The following IL5RA variants were observed in gnomAD, a reference collection of about 807,000 sequenced individuals.
IL5RA encodes interleukin 5 receptor subunit alpha, also known as interleukin-5 receptor subunit alpha.
IL5RA carries 49 observed loss-of-function variants against 50.0 expected under a neutral mutation model. The observed-to-expected ratio is 0.98, with a 90% CI of 0.78 to 1.24. The LOEUF is 1.24. IL5RA is among the 50% of genes most tolerant of loss of function. IL5RA has a pLI of 0.00. For synonymous variants in IL5RA, 202 were observed against 174.0 expected (o/e 1.16, Z -1.26); for missense variants, 600 against 500.4 (o/e 1.20, Z -1.90).
chr3:3,071,727 C>G (rs1186643595), intron 11 of IL5RA, among the ~76,000 whole-genome samples: 1 of 152,004 alleles, frequency 6.6e-6, no homozygotes, highest in Non-Finnish European at 1.5e-5. Flanking sequence ...GTATCTGAGG[C>G]TACAGGTGTG....
At chr3:3,101,558 G>T in intron 5 of IL5RA, 134 bp downstream of exon 5, 3 of 764,754 alleles carry the variant, frequency 3.9e-6, no homozygotes, top group Non-Finnish European at 6.2e-6. Context: ...TGGTTAGGAT[G>T]TTGTTGATAT....
At chr3:3,080,377 C>T (rs1440141228) in intron 9 of IL5RA, among the ~76,000 whole-genome samples, 1 of 152,198 alleles carries the variant, frequency 6.6e-6, no homozygotes, top group Non-Finnish European at 1.5e-5. Context: ...CCAGTCCGTG[C>T]TCTTAGCCTT....
In IL5RA at chr3:3,104,011, C is replaced by T. The variant is rs531041664; in HGVS notation, c.82+892G>A. On this transcript the variant is annotated intron_variant, in intron 3 of 11. Transcript: ENST00000446632. ...CATTGTCCATTACGGTAGCCACTGG[C>T]AACTTGTGGCTATTGAAATTTTATT... Among the ~76,000 whole-genome samples, 11 of 152,264 alleles carry T rather than the reference C, an allele frequency of 7.2e-5. No individual in the cohort carries two copies. In the South Asian group the frequency reaches 2.1e-3, roughly 29 times the overall value.
Position 3,110,166 on chromosome 3 carries a change from T to C in IL5RA, c.-367A>G, listed in dbSNP as rs1043890387. 1 of 152,240 alleles carries C rather than the reference T, an allele frequency of 6.6e-6. No individual in the cohort carries two copies. Among genetic ancestry groups the C allele is most frequent in the African/African-American group, 2.4e-5 (1 of 41,468 alleles). The allele number at this position is 152,240 out of a possible 1,614,324, so 9.4% of individuals were successfully genotyped here. On this transcript the variant is annotated 5_prime_UTR_variant, in exon 1 of 12. Transcript: ENST00000446632. Reference sequence around the variant, plus strand: ...TTGTACAGAGCAACTGTGCAGGAGCTGAACTGGAACTCCCAACAACCAAAC... The same window carrying C: ...TTGTACAGAGCAACTGTGCAGGAGCCGAACTGGAACTCCCAACAACCAAAC...
At chr3:3,077,398 C>G (rs1044700584) in intron 9 of IL5RA, among the ~76,000 whole-genome samples, 3 of 152,284 alleles carry the variant, frequency 2.0e-5, no homozygotes, top group Admixed American at 2.0e-4. Context: ...GTGTGCTGCA[C>G]CCATTAACTC....
At chr3:3,098,337 C>T in intron 5 of IL5RA, 47 bp from the exon 6 acceptor site, 1 of 1,536,074 alleles carries the variant, frequency 6.5e-7, no homozygotes, top group Non-Finnish European at 9.0e-7. Context: ...ATGGCAAACT[C>T]TGAATTTCAT....
At position 3,092,320 on chromosome 3, in the gene IL5RA, C is replaced by T. The variant is rs1181321792; in HGVS notation, c.898G>A (p.Asp300Asn). 3 of 1,613,760 alleles carry T rather than the reference C, an allele frequency of 1.9e-6. No individual in the cohort carries two copies. The highest frequency in any genetic ancestry group is 2.7e-5 in the African/African-American group (2 of 74,922). Residue 300 changes from aspartate (D) to asparagine (N), a missense_variant, in exon 9 of 12, where the codon GAT (aspartate) becomes AAT (asparagine). Asp to Asn is a conservative substitution (Grantham distance 23, BLOSUM62 1). Coordinates refer to ENST00000446632, the MANE Select transcript of IL5RA (RefSeq NM_175726.4). This position sits in a 1 kb window ranked among gnomAD's most constrained non-coding sequence, Gnocchi z 4.2. Reference protein sequence around the residue: ...MTNAFISIIDDLSKYDVQVRA... With the variant: ...MTNAFISIIDNLSKYDVQVRA... ...ACTTGAACATCGTACTTAGAAAGAT[C>T]ATCAATTATTGAGATGAATGCATTG...
At chr3:3,091,543 C>G (rs546420920) in intron 9 of IL5RA, among the ~76,000 whole-genome samples, 1 of 152,206 alleles carries the variant, frequency 6.6e-6, no homozygotes, top group African/African-American at 2.4e-5. Flanking sequence ...ACCAGCCTGA[C>G]CAACGTGGTG....
rs550844525 is a variant in IL5RA at position 3,068,505 on chromosome 3, A to T, written c.*1720T>A. ...GAGGAGGATGGCTTGAGCCCAGGAC[A>T]GGGAGGTTGTAGTGAGCTAAGATCA... On this transcript the variant is annotated 3_prime_UTR_variant, in exon 12 of 12. Transcript: ENST00000446632. 6.8e-6 allele frequency: 1 copy of T among 147,258 alleles called. No homozygotes were observed. The highest frequency in any genetic ancestry group is 2.1e-4 in the East Asian group (1 of 4,822). The allele number at this position is 147,258 out of a possible 1,614,324, so 9.1% of individuals were successfully genotyped here. A position where few individuals can be genotyped will look rare whatever the true frequency, so the allele number is the denominator to read the frequency against.
chr3:3,082,965 G>C (rs1368284815), intron 9 of IL5RA, among the ~76,000 whole-genome samples: 1 of 152,212 alleles, frequency 6.6e-6, no homozygotes. Context: ...TTAGTAAATT[G>C]ATGGGATGCT....
chr3:3,075,661 T>A (rs1331441042), intron 10 of IL5RA, among the ~76,000 whole-genome samples: 1 of 151,530 alleles, frequency 6.6e-6, no homozygotes, highest in Non-Finnish European at 1.5e-5. Flanking sequence ...AGTGCAATGG[T>A]ACGATCTTGG....
chr3:3,073,286 A>T (rs1306515366), intron 11 of IL5RA, among the ~76,000 whole-genome samples: 1 of 152,202 alleles, frequency 6.6e-6, no homozygotes, highest in African/African-American at 2.4e-5. Context: ...CAGGTGGTTC[A>T]TCCAATCATG....
At chr3:3,096,457 C>G (rs892748805) in intron 7 of IL5RA, among the ~76,000 whole-genome samples, 1 of 152,058 alleles carries the variant, frequency 6.6e-6, no homozygotes, top group Admixed American at 6.6e-5. Context: ...TTAGATCTCA[C>G]AATTAATAGG....
At chr3:3,077,835 G>A (rs1023564327) in intron 9 of IL5RA, among the ~76,000 whole-genome samples, 2 of 152,152 alleles carry the variant, frequency 1.3e-5, no homozygotes, top group Admixed American at 6.5e-5. Flanking sequence ...GTTTAAAGAG[G>A]TTATGTGCTT....
In IL5RA at chr3:3,094,411, G is replaced by C. The variant is rs140074696; in HGVS notation, c.855+888C>G. ...TTTTGCTTAGCATAATGTCCTCAAG[G>C]CTCCTCCATGTGGTAGCATGTGTCA... On this transcript the variant is annotated intron_variant, in intron 8 of 11. Coordinates refer to ENST00000446632, the MANE Select transcript of IL5RA (RefSeq NM_175726.4). Among the ~76,000 whole-genome samples the C allele has an allele frequency of 4.6e-5, 7 of 152,220 alleles. No individual in the cohort carries two copies. In the East Asian group the frequency reaches 5.8e-4, roughly 13 times the overall value.
intron 11 of IL5RA, among the ~76,000 whole-genome samples, chr3:3,072,555 T>A (rs1302376168): frequency 6.6e-6 from 1 of 152,194 alleles, no homozygotes; most frequent in Non-Finnish European, 1.5e-5. Flanking sequence ...TGGGGCTCTG[T>A]AGGGAAATTA....
chr3:3,107,891 A>C (rs1704003751), intron 2 of IL5RA, among the ~76,000 whole-genome samples: 1 of 152,200 alleles, frequency 6.6e-6, no homozygotes, highest in Non-Finnish European at 1.5e-5. Flanking sequence ...AACTGGTCAA[A>C]TTCTACTGAA....
chr3:3,076,752 G>A (rs1702499916), intron 9 of IL5RA, 125 bp from the exon 10 acceptor site: 1 of 575,762 alleles, frequency 1.7e-6, no homozygotes. Context: ...GGGTGGTGTT[G>A]GGCAAGTAGC....
chr3:3,091,886 A>T (rs1403239284), intron 9 of IL5RA: 7 of 630,040 alleles, frequency 1.1e-5, no homozygotes, highest in South Asian at 6.9e-5. Context: ...GAGACACAGG[A>T]TCTCTATTAT....
Sources: gnomAD v4.1 joint callset for allele counts (sites outside exome capture counted in the v4.1 genomes callset) on GRCh38, gnomAD v4.1.1 for gene constraint, Gnocchi (gnomAD v3.1) non-coding constraint, MANE v1.5 for transcripts, NCBI Gene and HGNC (gene_info 2026-07-23, HGNC 2026-07-21) for gene names.